Variants in MYO16 observed in about 807,000 individuals in gnomAD.
The protein encoded by MYO16 is unconventional myosin-XVI.
MYO16 carries 94 observed loss-of-function variants against 205.3 expected under a neutral mutation model. The observed-to-expected ratio is 0.46, with a 90% CI of 0.39 to 0.54. MYO16 has a LOEUF of 0.54. Ranked by LOEUF, MYO16 falls within the 20% of genes least tolerant of loss-of-function variation. The pLI is 0.00. For missense variants in MYO16, 2,315 were observed against 2,387.5 expected, an observed-to-expected ratio of 0.97 and a Z score of 0.63; for synonymous variants, 988 against 954.0, an observed-to-expected ratio of 1.04 and a Z score of -0.66.
At chr13:108,992,203 G>A (rs1055851460) in intron 20 of MYO16, among the ~76,000 whole-genome samples, 173 bp from the exon 21 acceptor site, 5 of 152,080 alleles carry the variant, frequency 3.3e-5, no homozygotes, top group African/African-American at 1.2e-4. Flanking sequence ...TTTTGGGGGG[G>A]CTAACTTTCA....
chr13:108,697,893 T>C (rs1398068100), intron 2 of MYO16, among the ~76,000 whole-genome samples: 1 of 152,046 alleles, frequency 6.6e-6, no homozygotes, highest in Non-Finnish European at 1.5e-5. Flanking sequence ...TGGCTAATTT[T>C]TGTATTTTTA....
At chr13:108,757,265 T>C (rs1468754870) in intron 4 of MYO16, among the ~76,000 whole-genome samples, 1 of 152,204 alleles carries the variant, frequency 6.6e-6, no homozygotes, top group Non-Finnish European at 1.5e-5. Context: ...GAGCACATTA[T>C]GTCTGTGATG....
chr13:109,073,720 A>G (rs1888000002), intron 27 of MYO16, among the ~76,000 whole-genome samples: 1 of 152,202 alleles, frequency 6.6e-6, no homozygotes, highest in Non-Finnish European at 1.5e-5. Flanking sequence ...TCTGCTCTTC[A>G]GCATATCCTA....
chr13:108,825,181 A>G (rs1446716267), intron 9 of MYO16, among the ~76,000 whole-genome samples: 1 of 152,096 alleles, frequency 6.6e-6, no homozygotes, highest in East Asian at 1.9e-4. Context: ...AGCCACATAT[A>G]AAAAGGACTT....
chr13:108,943,137 A>C (rs1392180585), intron 16 of MYO16, among the ~76,000 whole-genome samples: 2 of 152,232 alleles, frequency 1.3e-5, no homozygotes, highest in African/African-American at 4.8e-5. Flanking sequence ...CAAAAGAGGA[A>C]AGGTATGAAA....
At chr13:109,198,718 C>G (rs1566559873) in intron 34 of MYO16, among the ~76,000 whole-genome samples, 2 of 152,180 alleles carry the variant, frequency 1.3e-5, no homozygotes, top group Admixed American at 1.3e-4. Flanking sequence ...TTAAACAGCA[C>G]TCACTACTTT....
At chr13:109,007,560 G>A (rs1885440103) in intron 21 of MYO16, among the ~76,000 whole-genome samples, 1 of 148,668 alleles carries the variant, frequency 6.7e-6, no homozygotes, top group Non-Finnish European at 1.5e-5. Flanking sequence ...GTGTGTGTGT[G>A]TGTGTGTGTG....
chr13:109,136,474 G>T (rs1035733798), intron 31 of MYO16, among the ~76,000 whole-genome samples: 1 of 152,094 alleles, frequency 6.6e-6, no homozygotes, highest in Non-Finnish European at 1.5e-5. Flanking sequence ...AACTCAGAAG[G>T]TTCTTGTTCC....
At chr13:108,884,598 A>T (rs953115824) in intron 13 of MYO16, among the ~76,000 whole-genome samples, 5 of 152,150 alleles carry the variant, frequency 3.3e-5, no homozygotes, top group African/African-American at 1.2e-4. Context: ...GCTCTCACCC[A>T]TTCTAGACAC....
At chr13:109,099,115 C>T (rs1888871612) in intron 27 of MYO16, among the ~76,000 whole-genome samples, 2 of 152,268 alleles carry the variant, frequency 1.3e-5, no homozygotes, top group African/African-American at 4.8e-5. Context: ...TCAAGGCTCT[C>T]GTCTCTTTAG....
At chr13:108,943,489 A>G (rs923914916) in intron 16 of MYO16, among the ~76,000 whole-genome samples, 23 of 151,672 alleles carry the variant, frequency 1.5e-4, no homozygotes, top group Admixed American at 6.6e-5. Flanking sequence ...ACGGAGTCTC[A>G]CTTTGTCGCC....
intron 5 of MYO16, among the ~76,000 whole-genome samples, chr13:108,791,140 T>C (rs1302926118): frequency 6.6e-6 from 1 of 152,210 alleles, no homozygotes; most frequent in Admixed American, 6.5e-5. Context: ...AGCTGGTTCA[T>C]AACAGACCTC....
intron 4 of MYO16, among the ~76,000 whole-genome samples, chr13:108,784,357 G>A (rs889390981): frequency 8.5e-5 from 13 of 152,112 alleles, no homozygotes; most frequent in African/African-American, 3.1e-4. Context: ...TATATGACTT[G>A]CTTTGTTCAG....
chr13:108,847,941 A>G (rs1295721838), intron 10 of MYO16, among the ~76,000 whole-genome samples: 1 of 152,090 alleles, frequency 6.6e-6, no homozygotes, highest in African/African-American at 2.4e-5. Context: ...TTAAGGTTGA[A>G]ATTGAAGTCA....
At chr13:109,147,217 A>G (rs371250513) in intron 32 of MYO16, among the ~76,000 whole-genome samples, 1 of 152,234 alleles carries the variant, frequency 6.6e-6, no homozygotes, top group African/African-American at 2.4e-5. Flanking sequence ...GGTAGAACTA[A>G]CTATGAAAGA....
intron 25 of MYO16, 47 bp from the exon 26 acceptor site, chr13:109,054,999 C>CTTTCCTTTCT (rs761404686): frequency 2.4e-6 from 3 of 1,262,920 alleles, no homozygotes; most frequent in Non-Finnish European, 3.3e-6. Context: ...CTTTCCTTTC[C>CTTTCCTTTCT]TTTCCTTTCT....
At chr13:108,890,104 ATT>A (rs60627565) in intron 14 of MYO16, among the ~76,000 whole-genome samples, 2 of 94,894 alleles carry the variant, frequency 2.1e-5, no homozygotes, top group Non-Finnish European at 1.9e-5. Flanking sequence ...TAATTTTTGT[ATT>A]TTTTTTTTTT....
At chr13:109,130,697 T>C (rs746608711) in intron 31 of MYO16, among the ~76,000 whole-genome samples, 2 of 152,172 alleles carry the variant, frequency 1.3e-5, no homozygotes, top group African/African-American at 2.4e-5. Context: ...TCTGGTCCCT[T>C]CTGTGCCATT....
the MYO16 span, among the ~76,000 whole-genome samples, chr13:108,497,023 C>A: frequency 6.6e-6 from 1 of 152,202 alleles, no homozygotes; most frequent in African/African-American, 2.4e-5. Context: ...AAAGCATTTA[C>A]AACACGCGTT....
Sources: allele counts gnomAD v4.1 joint callset (sites outside exome capture counted in the v4.1 genomes callset), GRCh38; gene constraint gnomAD v4.1.1; transcripts MANE v1.5; gene names NCBI Gene and HGNC (gene_info 2026-07-23, HGNC 2026-07-21).